BLTP1: variants seen among roughly 807,000 people sequenced by gnomAD.
BLTP1 encodes fragile site-associated protein.
chr4:122,320,363 C>T, the BLTP1 span, among the ~76,000 whole-genome samples: 1 of 151,996 alleles, frequency 6.6e-6, no homozygotes, highest in Non-Finnish European at 1.5e-5. Context: ...GTTGCCCAGG[C>T]TGGTCTCAAA....
At chr4:122,303,306 T>A in the BLTP1 span, among the ~76,000 whole-genome samples, 2 of 152,222 alleles carry the variant, frequency 1.3e-5, no homozygotes, top group Non-Finnish European at 2.9e-5. Flanking sequence ...TTAAGCCCGC[T>A]ATGGGTCTAC....
chr4:122,194,555 C>T, the BLTP1 span: 1 of 934,590 alleles, frequency 1.1e-6, no homozygotes, highest in Non-Finnish European at 1.3e-6. Context: ...TCTATTTAAA[C>T]TATATTGAGA....
the BLTP1 span, chr4:122,299,134 G>A: frequency 5.1e-6 from 5 of 984,776 alleles, no homozygotes; most frequent in Non-Finnish European, 6.0e-6. Flanking sequence ...ATACAGAAAT[G>A]TGTATTTTTT....
the BLTP1 span, chr4:122,335,978 G>A: frequency 1.0e-4 from 41 of 391,666 alleles, no homozygotes; most frequent in African/African-American, 7.8e-4. Context: ...TTGTGACGCA[G>A]AGCAAGTAGG....
chr4:122,224,458 T>A, the BLTP1 span: 2 of 1,574,514 alleles, frequency 1.3e-6, no homozygotes, highest in Non-Finnish European at 1.7e-6. Context: ...ATAATGTGAT[T>A]TTCTTATACA....
the BLTP1 span, chr4:122,331,550 T>C: frequency 1.2e-6 from 2 of 1,608,360 alleles, no homozygotes; most frequent in South Asian, 1.1e-5. Flanking sequence ...AGGTAAGAAA[T>C]TGATTGGAAA....
the BLTP1 span, among the ~76,000 whole-genome samples, chr4:122,315,870 G>A: frequency 2.0e-5 from 3 of 152,116 alleles, no homozygotes; most frequent in Non-Finnish European, 4.4e-5. Context: ...GCTACATGTT[G>A]ACTGTCATCC....
chr4:122,253,895 G>A, the BLTP1 span, among the ~76,000 whole-genome samples: 1 of 152,024 alleles, frequency 6.6e-6, no homozygotes, highest in Non-Finnish European at 1.5e-5. Flanking sequence ...GATCCCAAAA[G>A]CAGCAAGAGA....
the BLTP1 span, among the ~76,000 whole-genome samples, chr4:122,156,525 A>G: frequency 9.6e-4 from 147 of 152,334 alleles, 1 homozygote; most frequent in Middle Eastern, 6.8e-3. Flanking sequence ...TCACTTAAGA[A>G]ATCGTTGATG....
At chr4:122,325,561 T>C in the BLTP1 span, 1 of 1,190,346 alleles carries the variant, frequency 8.4e-7, no homozygotes, top group Non-Finnish European at 1.1e-6. Context: ...CCATAACTGC[T>C]TTCTCTTAAG....
the BLTP1 span, among the ~76,000 whole-genome samples, chr4:122,192,973 G>A: frequency 6.6e-6 from 1 of 152,144 alleles, no homozygotes; most frequent in Admixed American, 6.5e-5. Flanking sequence ...GGCATGATTG[G>A]TTCCTTCTGA....
the BLTP1 span, chr4:122,186,144 C>T: frequency 1.9e-6 from 3 of 1,611,802 alleles, no homozygotes; most frequent in African/African-American, 4.0e-5. Flanking sequence ...GGTTTGGAGC[C>T]AACAATAATT....
chr4:122,179,005 A>G, the BLTP1 span, among the ~76,000 whole-genome samples: 78 of 152,176 alleles, frequency 5.1e-4, no homozygotes, highest in Non-Finnish European at 1.5e-4. Flanking sequence ...GAGGCAAGGC[A>G]TGTTGGCTCA....
chr4:122,299,705 G>A, the BLTP1 span: 1 of 680,208 alleles, frequency 1.5e-6, no homozygotes, highest in Admixed American at 6.3e-5. Flanking sequence ...TGATAGCTGG[G>A]TTGGGGGGGT....
the BLTP1 span, chr4:122,324,593 G>T: frequency 7.4e-7 from 1 of 1,354,076 alleles, no homozygotes; most frequent in Non-Finnish European, 1.0e-6. Context: ...CTTTTACCAA[G>T]GTCAACTACT....
At chr4:122,152,421 G>A in the BLTP1 span, 1 of 985,366 alleles carries the variant, frequency 1.0e-6, no homozygotes, top group Non-Finnish European at 1.2e-6. Context: ...GACCTGGGCG[G>A]CGGCCCCGGG....
At chr4:122,315,765 T>G in the BLTP1 span, 1 of 1,340,604 alleles carries the variant, frequency 7.5e-7, no homozygotes, top group African/African-American at 1.5e-5. Flanking sequence ...TCAGTGTTAT[T>G]TAGTATATTA....
At chr4:122,349,496 G>A in the BLTP1 span, 1 of 1,601,520 alleles carries the variant, frequency 6.2e-7, no homozygotes, top group South Asian at 1.1e-5. This position sits in a 1 kb window ranked among gnomAD's most constrained non-coding sequence, Gnocchi z 4.5. Flanking sequence ...ACAAAATTCA[G>A]ATTACTATGG....
the BLTP1 span, chr4:122,362,297 A>C: frequency 7.2e-7 from 1 of 1,380,792 alleles, no homozygotes; most frequent in Non-Finnish European, 1.0e-6. Context: ...GTTTTATTAC[A>C]CTGGAGTGTT....
Sources: gnomAD v4.1 joint callset for allele counts (sites outside exome capture counted in the v4.1 genomes callset) on GRCh38, gnomAD v4.1.1 for gene constraint, Gnocchi (gnomAD v3.1) non-coding constraint, MANE v1.5 for transcripts, NCBI Gene and HGNC (gene_info 2026-07-23, HGNC 2026-07-21) for gene names.